The following PHF24 variants were observed in gnomAD, a reference collection of about 807,000 sequenced individuals.
PHF24 encodes the protein PHD finger protein 24.
In PHF24, 25 loss-of-function variants were observed where a neutral mutation model predicts 42.6. The observed-to-expected ratio is 0.59, with a 90% confidence interval of 0.43 to 0.82. The LOEUF is 0.82. Among genes scored for constraint, PHF24 ranks in the 40% least tolerant of loss-of-function variants. PHF24 has a pLI of 0.00. For synonymous variants in PHF24, 185 were observed against 204.8 expected (o/e 0.90, Z 0.83); for missense variants, 470 against 538.1 (o/e 0.87, Z 1.25).
At chr9:34,711,667 C>G in the PHF24 span, among the ~76,000 whole-genome samples, 37 of 152,068 alleles carry the variant, frequency 2.4e-4, no homozygotes, top group African/African-American at 8.4e-4. Flanking sequence ...CTCAGCCTCC[C>G]GAGTAACTGG....
At chr9:34,693,875 CTTTG>C in the PHF24 span, among the ~76,000 whole-genome samples, 11 of 152,202 alleles carry the variant, frequency 7.2e-5, no homozygotes, top group Admixed American at 1.3e-4. Context: ...TTTAGCATTT[CTTTG>C]TTTGTTTTTT....
chr9:34,727,142 A>G, the PHF24 span, among the ~76,000 whole-genome samples: 13 of 152,164 alleles, frequency 8.5e-5, no homozygotes, highest in Non-Finnish European at 1.5e-5. Context: ...TGCTAAGAAA[A>G]TGCCATTTGG....
the PHF24 span, among the ~76,000 whole-genome samples, chr9:34,739,601 C>T: frequency 1.3e-5 from 2 of 152,004 alleles, no homozygotes; most frequent in African/African-American, 2.4e-5. Flanking sequence ...CGGATGTGTT[C>T]GGAGTTTCTT....
the PHF24 span, chr9:34,833,228 C>T: frequency 6.5e-7 from 1 of 1,547,486 alleles, no homozygotes; most frequent in South Asian, 1.2e-5. Context: ...CTCAGGGCCA[C>T]AGGGTTCCTC....
the PHF24 span, among the ~76,000 whole-genome samples, chr9:34,733,159 C>T: frequency 2.0e-5 from 3 of 152,192 alleles, no homozygotes; most frequent in Non-Finnish European, 4.4e-5. Context: ...GGGTGCCTCT[C>T]TTCCTATGCT....
chr9:34,697,053 G>T, the PHF24 span, among the ~76,000 whole-genome samples: 1 of 152,202 alleles, frequency 6.6e-6, no homozygotes, highest in Admixed American at 6.5e-5. Flanking sequence ...ATTGATATAG[G>T]TGTTCTCATG....
the PHF24 span, among the ~76,000 whole-genome samples, chr9:34,767,389 T>C: frequency 2.6e-5 from 4 of 152,256 alleles, no homozygotes; most frequent in Non-Finnish European, 5.9e-5. Flanking sequence ...TTTGTTTACC[T>C]AAGCAAGCCT....
chr9:34,693,290 A>C, the PHF24 span, among the ~76,000 whole-genome samples: 1 of 152,142 alleles, frequency 6.6e-6, no homozygotes, highest in Non-Finnish European at 1.5e-5. Flanking sequence ...ACTTAGGGTC[A>C]CCTGCTTTCT....
chr9:34,873,900 C>T, the PHF24 span, among the ~76,000 whole-genome samples: 1 of 152,060 alleles, frequency 6.6e-6, no homozygotes, highest in East Asian at 1.9e-4. Context: ...GTTTGTAGTT[C>T]TCCTTGAAGA....
chr9:34,748,262 G>A, the PHF24 span, among the ~76,000 whole-genome samples: 1 of 152,168 alleles, frequency 6.6e-6, no homozygotes, highest in Non-Finnish European at 1.5e-5. Flanking sequence ...CTGTATGTAT[G>A]TTATACTTGG....
the PHF24 span, among the ~76,000 whole-genome samples, chr9:34,719,063 C>T: frequency 6.6e-6 from 1 of 152,114 alleles, no homozygotes; most frequent in Admixed American, 6.5e-5. Flanking sequence ...ATGGAGTCTG[C>T]CTCTGTCACC....
At chr9:34,826,733 C>A in the PHF24 span, among the ~76,000 whole-genome samples, 1 of 35,650 alleles carries the variant, frequency 2.8e-5, no homozygotes, top group African/African-American at 6.6e-5. Flanking sequence ...AAGGTTGGGG[C>A]CATTCACCAT....
At chr9:34,860,832 G>A in the PHF24 span, among the ~76,000 whole-genome samples, 1 of 151,904 alleles carries the variant, frequency 6.6e-6, no homozygotes, top group Non-Finnish European at 1.5e-5. Flanking sequence ...CCCTCCTGTT[G>A]TAAAGAACTA....
chr9:34,710,541 C>T, the PHF24 span, among the ~76,000 whole-genome samples: 53,663 of 148,624 alleles, frequency 0.36, 10,059 homozygotes, highest in East Asian at 0.62. Context: ...GATCTTGGCT[C>T]ACTGAAATCT....
At chr9:34,936,213 C>G in the PHF24 span, among the ~76,000 whole-genome samples, 16 of 152,148 alleles carry the variant, frequency 1.1e-4, no homozygotes, top group Admixed American at 9.8e-4. Context: ...CCATTGCAGG[C>G]GCGCGCCGCC....
upstream of PHF24, among the ~76,000 whole-genome samples, chr9:34,956,838 G>A (rs2132833590): frequency 6.6e-6 from 1 of 152,240 alleles, no homozygotes; most frequent in South Asian, 2.1e-4. Context: ...ACTAATTTTA[G>A]AACTAATAAG....
chr9:34,846,036 T>G, the PHF24 span, among the ~76,000 whole-genome samples: 3 of 152,116 alleles, frequency 2.0e-5, no homozygotes, highest in African/African-American at 7.2e-5. Context: ...TCTTTGCTAT[T>G]GTGAATAGTG....
At chr9:34,726,016 A>C in the PHF24 span, 1 of 1,542,306 alleles carries the variant, frequency 6.5e-7, no homozygotes, top group Non-Finnish European at 8.8e-7. Context: ...GATGGGGGCC[A>C]CTTAGGGCTT....
chr9:34,864,176 T>A, the PHF24 span, among the ~76,000 whole-genome samples: 5 of 152,284 alleles, frequency 3.3e-5, 1 homozygote, highest in South Asian at 1.0e-3. Flanking sequence ...GAAGGGCAAA[T>A]CTGAGTTATT....
Sources: gnomAD v4.1 joint callset for allele counts (sites outside exome capture counted in the v4.1 genomes callset) on GRCh38, gnomAD v4.1.1 for gene constraint, MANE v1.5 for transcripts, NCBI Gene and HGNC (gene_info 2026-07-23, HGNC 2026-07-21) for gene names.